Variants in DIP2C observed in about 807,000 individuals in gnomAD.
DIP2C encodes DIP2 acetate--CoA ligase C (putative).
Under a neutral mutation model 192.4 loss-of-function variants are expected in DIP2C, and 33 were observed. That is an observed-to-expected ratio of 0.17 (90% CI 0.13 to 0.23). The LOEUF is 0.23. Ranked by LOEUF, DIP2C falls within the 10% of genes least tolerant of loss-of-function variation. DIP2C has a pLI of 1.00. For synonymous variants in DIP2C, 979 were observed against 864.1 expected (o/e 1.13, Z -2.33); for missense variants, 1,537 against 2,110.1 (o/e 0.73, Z 5.32).
At chr10:354,316 A>C (rs1958969932) in intron 24 of DIP2C, among the ~76,000 whole-genome samples, 1 of 152,230 alleles carries the variant, frequency 6.6e-6, no homozygotes, top group African/African-American at 2.4e-5. Flanking sequence ...CTGAAGATCC[A>C]GCATCCAGCT....
intron 32 of DIP2C, among the ~76,000 whole-genome samples, chr10:299,291 G>A (rs539963718): frequency 6.6e-6 from 1 of 152,178 alleles, no homozygotes; most frequent in Non-Finnish European, 1.5e-5. Context: ...TTAATCTATA[G>A]CCTCTCTTCC....
chr10:558,915 C>G (rs1397257642), intron 1 of DIP2C, among the ~76,000 whole-genome samples: 1 of 152,060 alleles, frequency 6.6e-6, no homozygotes, highest in Non-Finnish European at 1.5e-5. Context: ...CCAGACACCA[C>G]GGACCACCCG....
chr10:469,121 A>G (rs1186074800), intron 3 of DIP2C, among the ~76,000 whole-genome samples: 5 of 152,070 alleles, frequency 3.3e-5, no homozygotes, highest in Admixed American at 3.3e-4. Flanking sequence ...ATTGGAGACC[A>G]TTATCTGTGC....
chr10:576,683 T>C (rs1446809258), intron 1 of DIP2C, among the ~76,000 whole-genome samples: 1 of 152,102 alleles, frequency 6.6e-6, no homozygotes. Flanking sequence ...GTGAGGTGGG[T>C]GATCACTTGA....
In DIP2C at chr10:454,225, C is replaced by G. The variant is rs551248269; in HGVS notation, c.269-13229G>C. Reference sequence around the variant, plus strand: ...CCATCTATTAAGAGAAGGGCTTATTCAGGATCAGCTTCATGCAGCATTGAA... The same window carrying G: ...CCATCTATTAAGAGAAGGGCTTATTGAGGATCAGCTTCATGCAGCATTGAA... On this transcript the variant is annotated intron_variant, in intron 3 of 36. Transcript: ENST00000280886. 2.0e-5 allele frequency among the ~76,000 whole-genome samples: 3 copies of G among 152,306 alleles called. No individual in the cohort carries two copies. In the South Asian group the frequency reaches 6.2e-4, roughly 32 times the overall value.
In DIP2C at chr10:571,411, C is replaced by T. The variant is rs554546880; in HGVS notation, c.86-84881G>A. On this transcript the variant is annotated intron_variant, in intron 1 of 36. Transcript: ENST00000280886. ...ACCCGCGAGGGTCGGGAACCGGCTC[C>T]GGGGCTCATTTCCCAGGCTCCTGCC... 2.2e-4 allele frequency among the ~76,000 whole-genome samples: 33 copies of T among 152,252 alleles called. 1 individual carries two copies. In the South Asian group the frequency reaches 5.8e-3, roughly 27 times the overall value.
At position 674,789 on chromosome 10, in the gene DIP2C, T is replaced by TATATAGAG; in HGVS notation, c.85+14704_85+14705insCTCTATAT. On this transcript the variant is annotated intron_variant, in intron 1 of 36. Coordinates refer to ENST00000280886, the MANE Select transcript of DIP2C (RefSeq NM_014974.3). Reference sequence around the variant, plus strand: ...CATCTCAAATATATATATATATATATAGAGAGAGAGAGAGAGAGAGAGAGA... The same window carrying TATATAGAG: ...CATCTCAAATATATATATATATATATATATAGAGAGAGAGAGAGAGAGAGAGAGAGAGA... 6.1e-3 allele frequency among the ~76,000 whole-genome samples: 382 copies of TATATAGAG among 62,468 alleles called. 4 individuals are homozygous for TATATAGAG. Among genetic ancestry groups the TATATAGAG allele is most frequent in the Middle Eastern group, 9.1e-3 (1 of 110 alleles). 41.0% of individuals were successfully genotyped at this position (62,468 alleles called of 152,430 possible). A position where few individuals can be genotyped will look rare whatever the true frequency, so the allele number is the denominator to read the frequency against.
At chr10:447,662 A>C (rs1330844763) in intron 3 of DIP2C, among the ~76,000 whole-genome samples, 261 of 69,304 alleles carry the variant, frequency 3.8e-3, no homozygotes, top group Middle Eastern at 0.013. Context: ...GCAGGACCCA[A>C]TCACCCCCAT....
chr10:449,352 AAAG>A (rs1968643263), intron 3 of DIP2C, among the ~76,000 whole-genome samples: 3 of 152,182 alleles, frequency 2.0e-5, no homozygotes, highest in Admixed American at 2.0e-4. Context: ...ACGATCAAGT[AAAG>A]AAATGCTTAC....
intron 1 of DIP2C, among the ~76,000 whole-genome samples, chr10:546,700 C>G (rs1848302606): frequency 6.6e-6 from 1 of 152,164 alleles, no homozygotes. Flanking sequence ...CTGTCCTGCA[C>G]TTGAGTGGCT....
At chr10:422,673 C>A in intron 5 of DIP2C, 151 bp downstream of exon 5, 1 of 930,540 alleles carries the variant, frequency 1.1e-6, no homozygotes, top group Non-Finnish European at 1.6e-6. Flanking sequence ...AAGCAGCTTC[C>A]AGAAACAATC....
intron 1 of DIP2C, among the ~76,000 whole-genome samples, chr10:599,894 C>T (rs944894697): frequency 2.6e-5 from 4 of 152,196 alleles, no homozygotes; most frequent in South Asian, 2.1e-4. Context: ...AGTCTCTGCT[C>T]AGTGTGGGAC....
intron 1 of DIP2C, among the ~76,000 whole-genome samples, chr10:509,860 C>T (rs542225902): frequency 3.3e-5 from 5 of 152,336 alleles, no homozygotes; most frequent in Admixed American, 6.5e-5. Flanking sequence ...TCCCAACCCA[C>T]GCTTCAGATG....
chr10:288,499 G>C, intron 32 of DIP2C, 78 bp from the exon 33 acceptor site: 2 of 1,475,822 alleles, frequency 1.4e-6, no homozygotes, highest in Non-Finnish European at 1.9e-6. Context: ...ACGAGGTCAC[G>C]AGCCTGGCAG....
chr10:380,737 C>G (rs988782190), intron 17 of DIP2C, among the ~76,000 whole-genome samples: 17 of 152,196 alleles, frequency 1.1e-4, no homozygotes, highest in African/African-American at 4.1e-4. Context: ...GTTCTCATGC[C>G]AAAACCTACA....
At chr10:507,154 G>T (rs189942282) in intron 1 of DIP2C, among the ~76,000 whole-genome samples, 1 of 151,902 alleles carries the variant, frequency 6.6e-6, no homozygotes, top group Non-Finnish European at 1.5e-5. Context: ...TCAGAGCCAT[G>T]CGACGTTACA....
Position 349,280 on chromosome 10 carries a change from G to A in DIP2C, c.3109+51C>T, listed in dbSNP as rs368432590. 3.7e-5 allele frequency: 58 copies of A among 1,579,316 alleles called. No individual in the cohort carries two copies. In the African/African-American group the frequency reaches 6.7e-4, roughly 18 times the overall value. ...CGGGTGTAAGGGACCTCCTCGCACC[G>A]CGGCTGACCGGCTTGCCATCTCTCA... On this transcript the variant is annotated intron_variant, in intron 25 of 36. Coordinates refer to ENST00000280886, the MANE Select transcript of DIP2C (RefSeq NM_014974.3).
At chr10:293,680 C>T (rs541261764) in intron 32 of DIP2C, among the ~76,000 whole-genome samples, 1 of 152,338 alleles carries the variant, frequency 6.6e-6, no homozygotes, top group South Asian at 2.1e-4. Flanking sequence ...TATCTTGCCA[C>T]TTACTTTGCA....
intron 24 of DIP2C, 197 bp downstream of exon 24, chr10:356,228 AG>A: frequency 1.5e-6 from 1 of 660,186 alleles, no homozygotes; most frequent in Non-Finnish European, 2.7e-6. Context: ...ACACACAAAT[AG>A]GTGTAAATAA....
Sources: gnomAD v4.1 joint callset for allele counts (sites outside exome capture counted in the v4.1 genomes callset) on GRCh38, gnomAD v4.1.1 for gene constraint, MANE v1.5 for transcripts, NCBI Gene and HGNC (gene_info 2026-07-23, HGNC 2026-07-21) for gene names.